The following FAM3B variants were observed in gnomAD, a reference collection of about 807,000 sequenced individuals.
The protein encoded by FAM3B is protein FAM3B.
In FAM3B, 29 loss-of-function variants were observed where a neutral mutation model predicts 28.4. That is an observed-to-expected ratio of 1.02 (90% confidence interval 0.76 to 1.39). The LOEUF (loss-of-function observed/expected upper bound fraction) is 1.39, where lower values mean the gene tolerates loss of function less well. Ranked by LOEUF, FAM3B falls within the 40% of genes most tolerant of loss-of-function variation. FAM3B has a pLI of 0.00. For synonymous variants in FAM3B, 91 were observed against 103.0 expected, an observed-to-expected ratio of 0.88 and a Z score of 0.71; for missense variants, 266 against 293.9, an observed-to-expected ratio of 0.91 and a Z score of 0.69.
chr21:41,340,216 C>G (rs1451652795), intron 3 of FAM3B, among the ~76,000 whole-genome samples: 1 of 149,950 alleles, frequency 6.7e-6, no homozygotes, highest in Non-Finnish European at 1.5e-5. Context: ...TGCAGTGGCG[C>G]CATCTCGGCT....
chr21:41,330,726 A>G (rs779734836), intron 2 of FAM3B, among the ~76,000 whole-genome samples: 11 of 152,232 alleles, frequency 7.2e-5, no homozygotes, highest in Non-Finnish European at 1.5e-4. Flanking sequence ...TTCTGTTAGC[A>G]TACTGTCCTC....
Position 41,350,633 on chromosome 21 carries a change from G to A in FAM3B, c.618+1909G>A, listed in dbSNP as rs115828217. Among the ~76,000 whole-genome samples, 1,451 of 152,328 alleles carry A rather than the reference G, an allele frequency of 9.5e-3. 19 individuals are homozygous for A. Among genetic ancestry groups the A allele is most frequent in the African/African-American group, 0.032 (1,322 of 41,558 alleles). On this transcript the variant is annotated intron_variant, in intron 7 of 7. Transcript: ENST00000357985. ...TCTCCCCAAAAACCAGTGATGTCCA[G>A]GCTGTGCGCAGGACAACTGAACCAG...
intron 1 of FAM3B, among the ~76,000 whole-genome samples, chr21:41,309,134 A>C (rs1245147048): frequency 6.6e-6 from 1 of 152,254 alleles, no homozygotes; most frequent in South Asian, 2.1e-4. Context: ...CAGGGTGGCC[A>C]GGGATTTCCA....
intron 2 of FAM3B, among the ~76,000 whole-genome samples, chr21:41,324,603 CT>C (rs1282716259): frequency 1.3e-5 from 2 of 152,190 alleles, no homozygotes; most frequent in African/African-American, 4.8e-5. Context: ...GAAATGCCTA[CT>C]GTGAAAGTCC....
At chr21:41,330,136 A>G (rs1231584124) in intron 2 of FAM3B, among the ~76,000 whole-genome samples, 1 of 125,222 alleles carries the variant, frequency 8.0e-6, no homozygotes, top group South Asian at 2.2e-4. Context: ...CTGTATAGGA[A>G]AAAAAAAAAA....
intron 5 of FAM3B, among the ~76,000 whole-genome samples, chr21:41,346,783 G>A (rs1251892628): frequency 6.6e-6 from 1 of 152,186 alleles, no homozygotes; most frequent in African/African-American, 2.4e-5. Flanking sequence ...CAAGTGTTAG[G>A]TTCTTTTCCT....
chr21:41,323,957 TC>T (rs942863901), intron 2 of FAM3B, among the ~76,000 whole-genome samples: 7 of 152,286 alleles, frequency 4.6e-5, no homozygotes, highest in African/African-American at 1.7e-4. Context: ...AAGTTCAAGA[TC>T]AAGGTACCCG....
chr21:41,319,636 T>TCAGC (rs2088783068), intron 1 of FAM3B: 1 of 152,452 alleles, frequency 6.6e-6, no homozygotes, highest in Non-Finnish European at 1.5e-5. Context: ...TGTCCCAGCT[T>TCAGC]CAGCGCTGAT....
intron 3 of FAM3B, among the ~76,000 whole-genome samples, chr21:41,343,535 C>T (rs2089025921): frequency 6.6e-6 from 1 of 152,162 alleles, no homozygotes; most frequent in Non-Finnish European, 1.5e-5. Context: ...CTAGAAAACT[C>T]ATAGGGGAGT....
chr21:41,304,491 C>G (rs528841412), intron 1 of FAM3B, among the ~76,000 whole-genome samples: 2 of 152,330 alleles, frequency 1.3e-5, no homozygotes, highest in African/African-American at 2.4e-5. Flanking sequence ...CAGTCGCAGA[C>G]AGCCCCCAAC....
chr21:41,306,938 A>T (rs890671309), intron 1 of FAM3B, among the ~76,000 whole-genome samples: 1 of 152,198 alleles, frequency 6.6e-6, no homozygotes. Context: ...TAAGGGCCTT[A>T]GGCATTTTGG....
chr21:41,316,574 T>G (rs2088749974), upstream of FAM3B, among the ~76,000 whole-genome samples: 1 of 152,198 alleles, frequency 6.6e-6, no homozygotes, highest in South Asian at 2.1e-4. Context: ...CTTGCTGGGC[T>G]TCTCCGGTCA....
At position 41,345,753 on chromosome 21, in the gene FAM3B, T is replaced by A. The variant is rs114622760; in HGVS notation, c.397+17T>A. 3,263 of 1,463,770 alleles carry A rather than the reference T, an allele frequency of 2.2e-3. 39 individuals carry two copies. In the African/African-American group the frequency reaches 0.026, roughly 12 times the overall value. 90.7% of individuals were successfully genotyped at this position (1,463,770 alleles called of 1,614,324 possible). On this transcript the variant is annotated intron_variant, in intron 5 of 7. Transcript: ENST00000357985. ...ATGAAGGTGGTAAGAAAATTTTTTCTGTTAAAATTCAAATGAATTTTAAAC... is the reference window on the plus strand; with the variant it reads ...ATGAAGGTGGTAAGAAAATTTTTTCAGTTAAAATTCAAATGAATTTTAAAC...
At chr21:41,325,433 C>G (rs1317437982) in intron 2 of FAM3B, among the ~76,000 whole-genome samples, 1 of 152,158 alleles carries the variant, frequency 6.6e-6, no homozygotes, top group Non-Finnish European at 1.5e-5. Context: ...CTCAATATTT[C>G]TAGTGACTTT....
intron 7 of FAM3B, among the ~76,000 whole-genome samples, chr21:41,348,927 G>T (rs959102750): frequency 2.6e-5 from 4 of 152,196 alleles, no homozygotes; most frequent in African/African-American, 9.7e-5. Context: ...TGGGCTGTTG[G>T]TATTGGTTTT....
intron 7 of FAM3B, 135 bp from the exon 8 acceptor site, chr21:41,356,973 T>C: frequency 2.5e-6 from 1 of 394,818 alleles, no homozygotes; most frequent in Non-Finnish European, 4.6e-6. Context: ...AGAAATGTAT[T>C]GGAAATCAAA....
chr21:41,345,784 AT>A (rs775097740), intron 5 of FAM3B, 48 bp downstream of exon 5: 2 of 1,183,568 alleles, frequency 1.7e-6, no homozygotes, highest in Non-Finnish European at 2.5e-6. Flanking sequence ...TAAACAGAAA[AT>A]TAAGATTAAA....
chr21:41,309,891 C>G (rs553158466), intron 1 of FAM3B, among the ~76,000 whole-genome samples: 2 of 152,190 alleles, frequency 1.3e-5, no homozygotes, highest in African/African-American at 4.8e-5. Flanking sequence ...GGGGAGCAAC[C>G]CAAAATGGTG....
chr21:41,334,164 T>C (rs779863754), intron 2 of FAM3B, among the ~76,000 whole-genome samples: 4 of 152,154 alleles, frequency 2.6e-5, no homozygotes, highest in Admixed American at 6.5e-5. Flanking sequence ...AAGCAGAGCA[T>C]AAAAGTTTGG....
Sources: gnomAD v4.1 joint callset for allele counts (sites outside exome capture counted in the v4.1 genomes callset) on GRCh38, gnomAD v4.1.1 for gene constraint, MANE v1.5 for transcripts, NCBI Gene and HGNC (gene_info 2026-07-23, HGNC 2026-07-21) for gene names.